Variants in COL4A3 observed in about 807,000 individuals in gnomAD.
The protein encoded by COL4A3 is collagen type IV alpha 3 chain.
A neutral mutation model predicts 217.4 loss-of-function variants in COL4A3; 135 were observed. The observed-to-expected ratio is 0.62, with a 90% CI of 0.54 to 0.72. The LOEUF (loss-of-function observed/expected upper bound fraction) is 0.72. COL4A3 is among the 30% of genes least tolerant of loss of function. The pLI is 0.00. For synonymous variants in COL4A3, 690 were observed against 736.3 expected (o/e 0.94, Z 1.02); for missense variants, 1,868 against 2,119.9 (o/e 0.88, Z 2.33).
intron 9 of COL4A3, 66 bp downstream of exon 9, chr2:227,248,586 C>T: frequency 9.6e-7 from 1 of 1,046,878 alleles, no homozygotes; most frequent in Admixed American, 1.7e-5. Flanking sequence ...CTTTTCGCCT[C>T]TCTTTACTTC....
chr2:227,248,661 T>G (rs1251013397), intron 9 of COL4A3, 141 bp downstream of exon 9: 4 of 632,720 alleles, frequency 6.3e-6, no homozygotes, highest in Non-Finnish European at 1.1e-5. Context: ...AAATTCCTAT[T>G]TATTCTATTT....
rs2071148071 is a variant in COL4A3, at chr2:227,270,044, G to T, written c.1575+64G>T. 4.3e-5 allele frequency: 60 copies of T among 1,384,790 alleles called. No homozygotes were observed. The South Asian group carries it at 7.0e-4, about 16-fold the overall frequency. The allele number at this position is 1,384,790 out of a possible 1,614,324, so 85.8% of individuals were successfully genotyped here. A position where few individuals can be genotyped will look rare whatever the true frequency, so the allele number is the denominator to read the frequency against. On this transcript the variant is annotated intron_variant, in intron 24 of 51. Coordinates refer to ENST00000396578, the MANE Select transcript of COL4A3 (RefSeq NM_000091.5). ...ACAAATTGCACACTCTAGAAATATG[G>T]TTGCAACACACTTACCAGTTTGGTG... is the stretch of plus-strand genomic sequence containing the variant.
intron 1 of COL4A3, among the ~76,000 whole-genome samples, chr2:227,227,585 G>A (rs2068168255): frequency 6.6e-6 from 1 of 151,838 alleles, no homozygotes; most frequent in African/African-American, 2.4e-5. Flanking sequence ...GACTGACCCT[G>A]GGTCAGACTG....
Position 227,257,532 on chromosome 2 carries a change from T to C in COL4A3, c.988-71T>C. ...ATCAATATATTGTTCATTTTAACTG[T>C]ACATCTTGCTTTTTATATGTAAATA... is the stretch of plus-strand genomic sequence containing the variant. On this transcript the variant is annotated intron_variant, in intron 17 of 51. Coordinates refer to ENST00000396578, the MANE Select transcript of COL4A3 (RefSeq NM_000091.5). 2.4e-6 allele frequency: 3 copies of C among 1,245,130 alleles called. 1 individual carries two copies. In the East Asian group the frequency reaches 7.0e-5, roughly 29 times the overall value. The allele number at this position is 1,245,130 out of a possible 1,614,324, so 77.1% of individuals were successfully genotyped here.
At chr2:227,290,937 G>C (rs1176793282) in intron 37 of COL4A3, 51 bp downstream of exon 37, 22 of 1,574,928 alleles carry the variant, frequency 1.4e-5, no homozygotes, top group Non-Finnish European at 1.9e-5. Flanking sequence ...TGAGTGCCTT[G>C]AAAAATATCA....
chr2:227,291,580 CAAA>C (rs1212189875), intron 37 of COL4A3, among the ~76,000 whole-genome samples: 1 of 31,598 alleles, frequency 3.2e-5, no homozygotes, highest in South Asian at 1.4e-3. Flanking sequence ...AAAAAAAAAA[CAAA>C]AAAAAAAAAC....
intron 1 of COL4A3, among the ~76,000 whole-genome samples, chr2:227,204,097 T>C (rs899710777): frequency 1.1e-4 from 17 of 152,160 alleles, no homozygotes; most frequent in Non-Finnish European, 2.5e-4. Context: ...AAGTGGCATC[T>C]TAATAATTCG....
At chr2:227,255,551 T>C (rs1337991215) in intron 15 of COL4A3, among the ~76,000 whole-genome samples, 1 of 152,196 alleles carries the variant, frequency 6.6e-6, no homozygotes, top group Non-Finnish European at 1.5e-5. Context: ...CAATCCAAAC[T>C]GCCGGTTGAG....
At chr2:227,171,868 G>A (rs554382876) in intron 1 of COL4A3, among the ~76,000 whole-genome samples, 1 of 152,292 alleles carries the variant, frequency 6.6e-6, no homozygotes, top group Admixed American at 6.5e-5. Context: ...TGAAAGGCAA[G>A]TGCCTCGTTT....
rs2065971922 is a variant in COL4A3, at chr2:227,184,890, CCTTTTTT to C, written c.87+20078_87+20084del. On this transcript the variant is annotated intron_variant, in intron 1 of 51. Coordinates refer to ENST00000396578, the MANE Select transcript of COL4A3 (RefSeq NM_000091.5). ...CTCCTTTGCATGGCTGCCTCACTGG[CCTTTTTT>C]TTTTTTTTTTTTTTTTTTTTTTGAG... 5.1e-5 allele frequency among the ~76,000 whole-genome samples: 6 copies of C among 117,708 alleles called. No homozygotes were observed. The Admixed American group carries it at 5.5e-4, about 11-fold the overall frequency. 77.2% of individuals were successfully genotyped at this position (117,708 alleles called of 152,430 possible).
intron 1 of COL4A3, among the ~76,000 whole-genome samples, chr2:227,175,278 C>A (rs1261996417): frequency 6.6e-6 from 1 of 152,112 alleles, no homozygotes; most frequent in Non-Finnish European, 1.5e-5. Context: ...TCGAAACTAG[C>A]CTGGCCAAAA....
At chr2:227,202,628 G>A (rs1012929196) in intron 1 of COL4A3, among the ~76,000 whole-genome samples, 9 of 150,762 alleles carry the variant, frequency 6.0e-5, no homozygotes, top group Admixed American at 4.6e-4. Flanking sequence ...CCAGCTACTC[G>A]GGAGGCTGAG....
chr2:227,306,753 C>T (rs918540714), intron 47 of COL4A3, among the ~76,000 whole-genome samples: 2 of 152,060 alleles, frequency 1.3e-5, no homozygotes, highest in East Asian at 1.9e-4. Flanking sequence ...CCCAGGGGCA[C>T]GGATGTCCCA....
rs548225316 is a variant in COL4A3, at chr2:227,182,977, G to A, written c.87+18164G>A. Among the ~76,000 whole-genome samples the A allele has an allele frequency of 4.6e-5, 7 of 152,256 alleles. No individual in the cohort carries two copies. In the South Asian group the frequency reaches 1.5e-3, roughly 32 times the overall value. ...TTACTTAGGAGTCTGTTTTAATAAA[G>A]TTCACCTTCACAAAGCAGCATTTAG... On this transcript the variant is annotated intron_variant, in intron 1 of 51. Coordinates refer to ENST00000396578, the MANE Select transcript of COL4A3 (RefSeq NM_000091.5).
rs184704920 is a variant in COL4A3, at chr2:227,164,797, C to G, written c.71C>G (p.Ala24Gly). ...LPLLLVLLAA[A>G]PAASKGCVCK... is the part of the protein sequence containing the mutation. ...CTCCTGCTGGTGCTCCTGGCGGCGGCGCCCGCAGCCAGCAAGGTGAGTGGG... is the reference window on the plus strand; with the variant it reads ...CTCCTGCTGGTGCTCCTGGCGGCGGGGCCCGCAGCCAGCAAGGTGAGTGGG... The change falls in exon 1 of 52, where the codon GCG becomes GGG. Residue 24 changes from alanine (A) to glycine (G), a missense_variant. By Grantham distance (60) the Ala-to-Gly change is moderately conservative. This residue lies in a region of COL4A3 where 365 missense variants were observed against 333.8 expected (regional missense o/e 1.09). Coordinates refer to ENST00000396578, the MANE Select transcript of COL4A3 (RefSeq NM_000091.5). This position sits in a 1 kb window ranked among gnomAD's most constrained non-coding sequence, Gnocchi z 4.8. 1.3e-3 allele frequency: 1,979 copies of G among 1,518,180 alleles called. 24 individuals are homozygous for G. In the African/African-American group the frequency reaches 0.02, roughly 16 times the overall value. 94.0% of individuals were successfully genotyped at this position (1,518,180 alleles called of 1,614,324 possible).
intron 1 of COL4A3, among the ~76,000 whole-genome samples, chr2:227,194,957 T>G (rs1434797214): frequency 6.6e-6 from 1 of 152,134 alleles, no homozygotes. Context: ...TGATTTCCTG[T>G]TAGAGTATAT....
chr2:227,171,988 G>T (rs2065492212), intron 1 of COL4A3, among the ~76,000 whole-genome samples: 1 of 152,150 alleles, frequency 6.6e-6, no homozygotes, highest in African/African-American at 2.4e-5. Flanking sequence ...TGGCCTGCCG[G>T]CGCTTGAGAG....
chr2:227,218,064 A>G (rs2067594369), intron 1 of COL4A3, among the ~76,000 whole-genome samples: 1 of 84,968 alleles, frequency 1.2e-5, no homozygotes, highest in Non-Finnish European at 2.5e-5. Context: ...TATATATAAA[A>G]TAACTATATA....
intron 1 of COL4A3, among the ~76,000 whole-genome samples, chr2:227,205,504 T>C (rs1321091613): frequency 6.6e-6 from 1 of 152,138 alleles, no homozygotes; most frequent in Non-Finnish European, 1.5e-5. Context: ...ATGAATATTT[T>C]ATATTAGAAA....
Sources: gnomAD v4.1 joint callset for allele counts (sites outside exome capture counted in the v4.1 genomes callset) on GRCh38, gnomAD v4.1.1 for gene constraint, gnomAD v4.1.1 regional missense constraint, Gnocchi (gnomAD v3.1) non-coding constraint, MANE v1.5 for transcripts, NCBI Gene and HGNC (gene_info 2026-07-23, HGNC 2026-07-21) for gene names.